DDX60: variants seen among roughly 807,000 people sequenced by gnomAD.
DDX60 encodes the protein probable ATP-dependent RNA helicase DDX60.
In DDX60, 165 loss-of-function variants were observed where a neutral mutation model predicts 212.8. The observed-to-expected ratio is 0.78, with a 90% CI of 0.68 to 0.88. DDX60 has a LOEUF of 0.88. DDX60 is among the 40% of genes least tolerant of loss of function. DDX60 has a pLI of 0.00. For missense variants in DDX60, 1,905 were observed against 2,003.9 expected (o/e 0.95, Z 0.94); for synonymous variants, 703 against 685.3 (o/e 1.03, Z -0.40).
At chr4:168,266,297 C>A (rs1433963585) in intron 22 of DDX60, among the ~76,000 whole-genome samples, 2 of 152,124 alleles carry the variant, frequency 1.3e-5, no homozygotes, top group Non-Finnish European at 2.9e-5. Flanking sequence ...AGTAAGTGCT[C>A]AATTTAGGTT....
intron 12 of DDX60, 86 bp from the exon 13 acceptor site, chr4:168,283,692 T>C: frequency 3.3e-6 from 3 of 916,564 alleles, no homozygotes; most frequent in Non-Finnish European, 4.8e-6. Context: ...CCACATCCAG[T>C]AGTTAAATTA....
At chr4:168,235,502 T>TGA (rs1371706068) in intron 33 of DDX60, among the ~76,000 whole-genome samples, 15 of 152,262 alleles carry the variant, frequency 9.9e-5, no homozygotes, top group African/African-American at 2.9e-4. Context: ...AGTGTAAAGA[T>TGA]GATAGGTCAA....
At chr4:168,217,595 C>T (rs149700178) in intron 37 of DDX60, among the ~76,000 whole-genome samples, 3 of 152,034 alleles carry the variant, frequency 2.0e-5, no homozygotes, top group Admixed American at 6.6e-5. Flanking sequence ...GGCTGCAGTG[C>T]GAATTAAAGT....
intron 18 of DDX60, among the ~76,000 whole-genome samples, chr4:168,272,368 G>A (rs967162873): frequency 3.3e-5 from 5 of 152,196 alleles, no homozygotes; most frequent in African/African-American, 9.7e-5. Flanking sequence ...CAGATTTGAA[G>A]TTTACATCCT....
At chr4:168,259,547 G>A (rs530513830) in intron 25 of DDX60, among the ~76,000 whole-genome samples, 25 of 151,558 alleles carry the variant, frequency 1.6e-4, no homozygotes, top group African/African-American at 4.9e-4. Flanking sequence ...GTTTACATGT[G>A]AGCAAGTTTC....
At chr4:168,218,922 A>G (rs114216735) in intron 37 of DDX60, among the ~76,000 whole-genome samples, 6 of 152,256 alleles carry the variant, frequency 3.9e-5, no homozygotes, top group Non-Finnish European at 5.9e-5. Flanking sequence ...CCATGTTTGT[A>G]AGGTCTATAA....
At chr4:168,285,774 T>C (rs1315368804) in intron 10 of DDX60, among the ~76,000 whole-genome samples, 2 of 151,148 alleles carry the variant, frequency 1.3e-5, no homozygotes, top group African/African-American at 2.4e-5. Context: ...GGTGAATGGA[T>C]GCATGGATGG....
Position 168,302,555 on chromosome 4 carries a change from A to G in DDX60, c.607-139T>C, listed in dbSNP as rs115926375. 1,304 of 434,646 alleles carry G rather than the reference A, an allele frequency of 3.0e-3. 10 individuals are homozygous for G. The highest frequency in any genetic ancestry group is 0.025 in the African/African-American group (1,203 of 48,944). The allele number at this position is 434,646 out of a possible 1,614,324, so 26.9% of individuals were successfully genotyped here. On this transcript the variant is annotated intron_variant, in intron 5 of 37. Transcript: ENST00000393743. ...AAAAAAATATGCCAATGTAATTGTA[A>G]GTTTTAAACCCCATTGAACATCACT...
chr4:168,244,876 C>T (rs1733970068), intron 30 of DDX60, among the ~76,000 whole-genome samples: 1 of 150,374 alleles, frequency 6.7e-6, no homozygotes, highest in East Asian at 2.0e-4. Context: ...TATGTTTTCT[C>T]ATAAAAAAAA....
chr4:168,313,279 A>C (rs1284673347), intron 1 of DDX60, among the ~76,000 whole-genome samples: 1 of 152,196 alleles, frequency 6.6e-6, no homozygotes, highest in Non-Finnish European at 1.5e-5. Context: ...ATAGAGAATT[A>C]CTTTTCAGGT....
chr4:168,248,403 G>A (rs1734096031), intron 28 of DDX60, 111 bp from the exon 29 acceptor site: 2 of 698,134 alleles, frequency 2.9e-6, no homozygotes, highest in South Asian at 4.5e-5. Flanking sequence ...AAGCCACAAT[G>A]GGAAAGCTAG....
rs146230325 is a variant in DDX60 at position 168,251,085 on chromosome 4, G to A, written c.3727C>T (p.Arg1243Ter). ...DTETLQKVFG[R>*]VKFERKGEEL... ...TCACCTTTTCTTTCAAATTTTACTCGACCAAATACCTTCTGCAAAGTCTAA... is the reference window on the plus strand; with the variant it reads ...TCACCTTTTCTTTCAAATTTTACTCAACCAAATACCTTCTGCAAAGTCTAA... The change falls in exon 28 of 38, where the codon CGA becomes TGA. Residue 1243 changes from arginine (R) to a stop codon, truncating the protein, a stop_gained. Transcript: ENST00000393743. LOFTEE classifies it high-confidence loss of function. The A allele has an allele frequency of 5.0e-6, 8 of 1,612,016 alleles. No individual in the cohort carries two copies. The highest frequency in any genetic ancestry group is 3.3e-5 in the Admixed American group (2 of 59,778).
intron 22 of DDX60, among the ~76,000 whole-genome samples, chr4:168,264,325 C>A (rs547040279): frequency 6.6e-6 from 1 of 152,262 alleles, no homozygotes; most frequent in Admixed American, 6.5e-5. Flanking sequence ...CATCGTTTAA[C>A]ATCTCAGTTG....
At chr4:168,299,885 A>C (rs1736574693) in intron 6 of DDX60, among the ~76,000 whole-genome samples, 1 of 148,112 alleles carries the variant, frequency 6.8e-6, no homozygotes, top group African/African-American at 2.5e-5. Flanking sequence ...AGATAATCCC[A>C]ATGATCTACA....
At chr4:168,217,422 A>C (rs1732886283) in intron 37 of DDX60, among the ~76,000 whole-genome samples, 1 of 152,178 alleles carries the variant, frequency 6.6e-6, no homozygotes, top group African/African-American at 2.4e-5. Context: ...AGGCAGCTAC[A>C]TCTACGAAGA....
At chr4:168,227,517 GC>G (rs1733299854) in intron 33 of DDX60, among the ~76,000 whole-genome samples, 2 of 151,810 alleles carry the variant, frequency 1.3e-5, no homozygotes, top group African/African-American at 2.4e-5. Flanking sequence ...CAACTTAGAG[GC>G]TTTGTTGATT....
chr4:168,276,993 A>T (rs1386236557), intron 14 of DDX60, among the ~76,000 whole-genome samples: 1 of 152,194 alleles, frequency 6.6e-6, no homozygotes, highest in Non-Finnish European at 1.5e-5. Flanking sequence ...GAGAACATGG[A>T]GGTCATGTGT....
At chr4:168,299,110 G>A (rs1736534940) in intron 6 of DDX60, among the ~76,000 whole-genome samples, 2 of 132,212 alleles carry the variant, frequency 1.5e-5, no homozygotes, top group African/African-American at 2.9e-5. Context: ...GCAGTGAACC[G>A]AGATTGTGCC....
At chr4:168,221,444 T>C (rs1469729234) in intron 36 of DDX60, among the ~76,000 whole-genome samples, 1 of 152,126 alleles carries the variant, frequency 6.6e-6, no homozygotes, top group East Asian at 1.9e-4. Flanking sequence ...TAAATACAAA[T>C]ATATCTATGA....
Sources: gnomAD v4.1 joint callset for allele counts (sites outside exome capture counted in the v4.1 genomes callset) on GRCh38, gnomAD v4.1.1 for gene constraint, MANE v1.5 for transcripts, NCBI Gene and HGNC (gene_info 2026-07-23, HGNC 2026-07-21) for gene names.